The following PHF21A variants were observed in gnomAD, a reference collection of about 807,000 sequenced individuals.
The protein encoded by PHF21A is PHD finger protein 21A, also known as BHC80a.
Under a neutral mutation model 82.5 loss-of-function variants are expected in PHF21A, and 11 were observed. That is an observed-to-expected ratio of 0.13 (90% CI 0.08 to 0.22). PHF21A has a LOEUF of 0.22. Ranked by LOEUF, PHF21A falls within the 10% of genes least tolerant of loss-of-function variation. The pLI is 1.00. For missense variants in PHF21A, 579 were observed against 837.8 expected, an observed-to-expected ratio of 0.69 and a Z score of 3.81; for synonymous variants, 297 against 302.8, an observed-to-expected ratio of 0.98 and a Z score of 0.20.
chr11:45,975,885 C>T (rs1429599464), intron 7 of PHF21A, among the ~76,000 whole-genome samples: 1 of 152,066 alleles, frequency 6.6e-6, no homozygotes, highest in Non-Finnish European at 1.5e-5. Flanking sequence ...CCCCCGATTG[C>T]TACTTAATAT....
chr11:46,011,088 T>C lies in PHF21A; in HGVS notation c.154-31122A>G, dbSNP rs11823457. Among the ~76,000 whole-genome samples, 1,072 of 152,340 alleles carry C rather than the reference T, an allele frequency of 7.0e-3. 11 individuals are homozygous for C. Among genetic ancestry groups the C allele is most frequent in the African/African-American group, 0.025 (1,020 of 41,576 alleles). ...TCACAAAACTTCTTAAAGGAGTTAC[T>C]GGACTCTTTGATCTTGCCACTAGAT... On this transcript the variant is annotated intron_variant, in intron 6 of 18. Coordinates refer to ENST00000676320, the MANE Select transcript of PHF21A (RefSeq NM_001352027.3).
At chr11:46,110,788 A>ATT (rs201509628) in intron 1 of PHF21A, among the ~76,000 whole-genome samples, 146 of 145,156 alleles carry the variant, frequency 1.0e-3, no homozygotes, top group African/African-American at 2.9e-3. Flanking sequence ...CATATTAACA[A>ATT]TTTTTTTTTT....
intron 11 of PHF21A, among the ~76,000 whole-genome samples, chr11:45,953,168 T>C (rs2092323496): frequency 6.6e-6 from 1 of 152,214 alleles, no homozygotes; most frequent in African/African-American, 2.4e-5. Flanking sequence ...CTTATAAATG[T>C]TGGCTGAGAC....
intron 1 of PHF21A, among the ~76,000 whole-genome samples, chr11:46,116,038 T>C (rs2097285575): frequency 6.6e-6 from 1 of 152,192 alleles, no homozygotes; most frequent in Admixed American, 6.5e-5. Flanking sequence ...TAGTCACTTC[T>C]AAAATTTAAG....
chr11:45,952,995 T>G (rs1565225995), intron 11 of PHF21A, among the ~76,000 whole-genome samples: 1 of 152,256 alleles, frequency 6.6e-6, no homozygotes, highest in Non-Finnish European at 1.5e-5. Flanking sequence ...AGTATAGATG[T>G]TACTATTTTC....
At chr11:46,007,172 T>G (rs185453836) in intron 6 of PHF21A, among the ~76,000 whole-genome samples, 1 of 152,280 alleles carries the variant, frequency 6.6e-6, no homozygotes, top group African/African-American at 2.4e-5. Flanking sequence ...ATACCTACCA[T>G]GTGTTCAAAA....
chr11:46,057,015 T>C (rs1429320008), intron 6 of PHF21A, among the ~76,000 whole-genome samples: 8 of 152,172 alleles, frequency 5.3e-5, no homozygotes, highest in Admixed American at 3.3e-4. Flanking sequence ...AAGATGGTTA[T>C]AGTAAGTGCC....
intron 3 of PHF21A, among the ~76,000 whole-genome samples, chr11:46,088,912 C>T (rs1176622371): frequency 1.3e-5 from 2 of 151,992 alleles, no homozygotes; most frequent in Non-Finnish European, 2.9e-5. Flanking sequence ...TCTAATAACT[C>T]GAAGGAAAGC....
rs765307583 is a variant in PHF21A, at chr11:45,932,896, AT to A, written c.*1071del. ...TGTCAGCCTGAAAAACAGCTTTTCT[AT>A]TCCTTATTTTAGTTTTTGTTACCAA... On this transcript the variant is annotated 3_prime_UTR_variant, in exon 19 of 19. Coordinates refer to ENST00000676320, the MANE Select transcript of PHF21A (RefSeq NM_001352027.3). This position sits in a 1 kb window ranked among gnomAD's most constrained non-coding sequence, Gnocchi z 4.3. 3.9e-5 allele frequency: 6 copies of A among 152,546 alleles called. No individual in the cohort carries two copies. Among genetic ancestry groups the A allele is most frequent in the Non-Finnish European group, 8.8e-5 (6 of 68,026 alleles). 9.4% of individuals were successfully genotyped at this position (152,546 alleles called of 1,614,324 possible).
chr11:46,120,199 T>C (rs1300520240), intron 1 of PHF21A, among the ~76,000 whole-genome samples: 1 of 148,866 alleles, frequency 6.7e-6, no homozygotes, highest in Admixed American at 6.6e-5. Context: ...TTTTTTTTTT[T>C]AAACCAGATC....
intron 6 of PHF21A, among the ~76,000 whole-genome samples, chr11:45,990,399 C>T (rs1474508392): frequency 1.3e-5 from 2 of 151,736 alleles, no homozygotes; most frequent in Non-Finnish European, 2.9e-5. Context: ...GCTGGGACTA[C>T]ACGAATGCAC....
chr11:46,090,733 T>C (rs1286723434), intron 2 of PHF21A, among the ~76,000 whole-genome samples, 167 bp from the exon 3 acceptor site: 1 of 151,872 alleles, frequency 6.6e-6, no homozygotes, highest in Non-Finnish European at 1.5e-5. Flanking sequence ...TTTTTAAATG[T>C]GGTATTCAAT....
At chr11:46,077,868 T>A (rs2096745453) in intron 5 of PHF21A, among the ~76,000 whole-genome samples, 1 of 152,210 alleles carries the variant, frequency 6.6e-6, no homozygotes, top group East Asian at 1.9e-4. Flanking sequence ...AAGGACCTGT[T>A]AATCTAAAGT....
chr11:45,938,471 A>G (rs2089631298), intron 15 of PHF21A, among the ~76,000 whole-genome samples, 159 bp from the exon 16 acceptor site: 1 of 152,128 alleles, frequency 6.6e-6, no homozygotes, highest in African/African-American at 2.4e-5. Flanking sequence ...ACATGCCCCT[A>G]CTCACTCCAC....
At chr11:46,074,121 C>CAA (rs774252435) in intron 6 of PHF21A, among the ~76,000 whole-genome samples, 1 of 113,914 alleles carries the variant, frequency 8.8e-6, no homozygotes, top group African/African-American at 3.3e-5. Flanking sequence ...TTGTCAGATG[C>CAA]AAAAAAAAAA....
intron 9 of PHF21A, among the ~76,000 whole-genome samples, chr11:45,967,453 G>C (rs962369745): frequency 1.3e-5 from 2 of 152,104 alleles, no homozygotes; most frequent in Admixed American, 1.3e-4. Flanking sequence ...CCTAAGTGGG[G>C]TGACTCTCAT....
chr11:46,111,561 A>G (rs575637982), intron 1 of PHF21A, among the ~76,000 whole-genome samples: 2 of 152,282 alleles, frequency 1.3e-5, no homozygotes, highest in Non-Finnish European at 2.9e-5. Flanking sequence ...TATTGTAAGA[A>G]CTCCTCGCAA....
intron 1 of PHF21A, among the ~76,000 whole-genome samples, chr11:46,112,665 A>G (rs2097231448): frequency 6.6e-6 from 1 of 152,196 alleles, no homozygotes; most frequent in Non-Finnish European, 1.5e-5. Context: ...CAAGATGTTG[A>G]CAATTATTAC....
At chr11:46,009,705 CT>C (rs1001185196) in intron 6 of PHF21A, among the ~76,000 whole-genome samples, 31 of 152,348 alleles carry the variant, frequency 2.0e-4, no homozygotes, top group African/African-American at 7.2e-4. Context: ...AGACTTCCAA[CT>C]TGGGCAGTTT....
Sources: allele counts gnomAD v4.1 joint callset (sites outside exome capture counted in the v4.1 genomes callset), GRCh38; gene constraint gnomAD v4.1.1; non-coding constraint Gnocchi (gnomAD v3.1); transcripts MANE v1.5; gene names NCBI Gene and HGNC (gene_info 2026-07-23, HGNC 2026-07-21).